UGDH: variants seen among roughly 807,000 people sequenced by gnomAD.
UGDH encodes UDP-Glc dehydrogenase.
UGDH carries 38 observed loss-of-function variants against 50.6 expected under a neutral mutation model. The ratio of observed to expected loss-of-function variants is 0.75; its 90% CI spans 0.58 to 0.98. UGDH has a LOEUF of 0.98. UGDH is among the 50% of genes least tolerant of loss of function. The probability of loss-of-function intolerance (pLI) is 0.00; values close to 1 mark genes in which losing one functional copy is unlikely to be tolerated. For synonymous variants in UGDH, 168 were observed against 199.9 expected, an observed-to-expected ratio of 0.84 and a Z score of 1.35; for missense variants, 465 against 606.2, an observed-to-expected ratio of 0.77 and a Z score of 2.45.
chr4:39,505,188 A>C, intron 9 of UGDH, 49 bp downstream of exon 9: 1 of 1,552,792 alleles, frequency 6.4e-7, no homozygotes, highest in Non-Finnish European at 8.6e-7. Flanking sequence ...AAAAGATAAA[A>C]AGTTTTCAGG....
chr4:39,510,750 C>A lies in UGDH; in HGVS notation c.376G>T (p.Val126Leu). The A allele has an allele frequency of 6.2e-7, 1 of 1,614,180 alleles. No individual in the cohort carries two copies. The highest frequency in any genetic ancestry group is 8.5e-7 in the Non-Finnish European group (1 of 1,180,012). ...IVQNSNGYKI[V>L]TEKSTVPVRA... ...ACTGGAACTGTGCTTTTCTCAGTCA[C>A]AATTTTGTACCCATTTGAGTTTTGC... The change falls in exon 4 of 12, where the codon GTG (valine) becomes TTG (leucine). Residue 126 changes from valine (V) to leucine (L), a missense_variant. Transcript: ENST00000316423.
At chr4:39,514,543 G>A (rs898035892) in intron 2 of UGDH, among the ~76,000 whole-genome samples, 5 of 151,682 alleles carry the variant, frequency 3.3e-5, no homozygotes, top group African/African-American at 9.7e-5. Flanking sequence ...ATCTTTTTTT[G>A]GCAGAGATGG....
At position 39,526,906 on chromosome 4, in the gene UGDH, A is replaced by G. The variant is rs184816094; in HGVS notation, c.-8+377T>C. 2.3e-5 allele frequency: 17 copies of G among 734,290 alleles called. No homozygotes were observed. In the African/African-American group the frequency reaches 3.0e-4, roughly 13 times the overall value. 45.5% of individuals were successfully genotyped at this position (734,290 alleles called of 1,614,324 possible). A position where few individuals can be genotyped will look rare whatever the true frequency, so the allele number is the denominator to read the frequency against. ...GTGAGCAGACTCTTAAACACAAACA[A>G]AAGACTACGACTCTGCGGCCAAAAT... is the stretch of plus-strand genomic sequence containing the variant. On this transcript the variant is annotated intron_variant, in intron 1 of 11. Transcript: ENST00000316423.
At chr4:39,519,209 G>C (rs893745347) in intron 2 of UGDH, among the ~76,000 whole-genome samples, 10 of 145,682 alleles carry the variant, frequency 6.9e-5, no homozygotes, top group Non-Finnish European at 1.5e-4. Flanking sequence ...GAGCCACTGT[G>C]CCTGGCCGTA....
intron 2 of UGDH, among the ~76,000 whole-genome samples, chr4:39,519,685 C>T (rs958904106): frequency 9.9e-5 from 15 of 152,036 alleles, no homozygotes; most frequent in Middle Eastern, 3.4e-3. Context: ...ATTATAGGTG[C>T]GCACCACTGC....
chr4:39,514,861 T>TTTA (rs1309534695), intron 2 of UGDH, among the ~76,000 whole-genome samples: 1 of 152,036 alleles, frequency 6.6e-6, no homozygotes, highest in East Asian at 1.9e-4. Context: ...TTTGTATTTT[T>TTTA]AGTAGAGATG....
chr4:39,517,091 TAGA>T (rs1396745183), intron 2 of UGDH, among the ~76,000 whole-genome samples: 4 of 152,138 alleles, frequency 2.6e-5, no homozygotes, highest in African/African-American at 7.2e-5. Context: ...GTACTTTTAT[TAGA>T]AGAACTCAAA....
At chr4:39,500,654 T>TCTC (rs753463213) in intron 11 of UGDH, among the ~76,000 whole-genome samples, 2,710 of 19,870 alleles carry the variant, frequency 0.14, 36 homozygotes, top group Non-Finnish European at 0.28. Context: ...CATAATTCTC[T>TCTC]TTTTTTTTTT....
At chr4:39,521,258 G>A in intron 2 of UGDH, 93 bp downstream of exon 2, 5 of 1,266,988 alleles carry the variant, frequency 3.9e-6, no homozygotes, top group Non-Finnish European at 5.3e-6. Context: ...ACCAGTTGCT[G>A]TTATAGATTT....
intron 2 of UGDH, among the ~76,000 whole-genome samples, chr4:39,516,097 A>G (rs1746432075): frequency 6.6e-6 from 1 of 152,192 alleles, no homozygotes; most frequent in Non-Finnish European, 1.5e-5. Context: ...CCTGGGCAAC[A>G]TGGCGAAACC....
chr4:39,527,204 G>T, intron 1 of UGDH, 79 bp downstream of exon 1: 1 of 1,099,952 alleles, frequency 9.1e-7, no homozygotes, highest in Non-Finnish European at 1.2e-6. Flanking sequence ...GCACACCCCA[G>T]CCCCGCTCCC....
intron 3 of UGDH, 92 bp from the exon 4 acceptor site, chr4:39,510,953 C>A (rs577704336): frequency 8.1e-7 from 1 of 1,235,774 alleles, no homozygotes; most frequent in East Asian, 2.3e-5. Context: ...GTGGAGTTAA[C>A]AATCATCAGT....
In UGDH at chr4:39,510,445, C is replaced by A. The variant is rs763685293; in HGVS notation, c.571G>T (p.Ala191Ser). Residue 191 changes from alanine (A) to serine (S), a missense_variant, in exon 5 of 12, where the codon GCT becomes TCT. Physicochemically the swap from Ala to Ser is moderately conservative, Grantham distance 99 (BLOSUM62 1). Coordinates refer to ENST00000316423, the MANE Select transcript of UGDH (RefSeq NM_003359.4). ...TATACAGCACACAGGGCCTGCACAG[C>A]TCTCTGGCCCTCTGGAGTTTCATCC... ...GGDETPEGQR[A>S]VQALCAVYEH... The A allele has an allele frequency of 1.4e-5, 23 of 1,614,086 alleles. No individual in the cohort carries two copies. In the East Asian group the frequency reaches 4.9e-4, roughly 34 times the overall value.
intron 3 of UGDH, among the ~76,000 whole-genome samples, chr4:39,513,836 T>C (rs998952110): frequency 2.0e-5 from 3 of 152,172 alleles, no homozygotes; most frequent in African/African-American, 7.2e-5. Flanking sequence ...CACCCGCCCA[T>C]TTCCTAGTTC....
intron 3 of UGDH, among the ~76,000 whole-genome samples, chr4:39,513,585 G>A (rs1036176704): frequency 1.4e-5 from 2 of 138,304 alleles, no homozygotes; most frequent in East Asian, 4.3e-4. Flanking sequence ...TCACCAGGCT[G>A]GAGTGCAGTG....
intron 1 of UGDH, 45 bp downstream of exon 1, chr4:39,527,238 A>G: frequency 1.3e-6 from 1 of 798,296 alleles, no homozygotes; most frequent in Non-Finnish European, 1.7e-6. Context: ...CAGACCTGGG[A>G]GCATCCCGCC....
At chr4:39,523,183 C>G (rs904474440) in intron 1 of UGDH, among the ~76,000 whole-genome samples, 2 of 152,092 alleles carry the variant, frequency 1.3e-5, no homozygotes, top group African/African-American at 4.8e-5. Context: ...CGCCAAGTAG[C>G]TGGGACTACA....
intron 6 of UGDH, among the ~76,000 whole-genome samples, 194 bp downstream of exon 6, chr4:39,509,566 C>A (rs1470870377): frequency 6.6e-6 from 1 of 152,198 alleles, no homozygotes; most frequent in South Asian, 2.1e-4. Flanking sequence ...AACATCTAGT[C>A]ACTCAGCTGC....
At chr4:39,513,979 G>C (rs1331119276) in intron 3 of UGDH, 104 bp downstream of exon 3, 3 of 941,510 alleles carry the variant, frequency 3.2e-6, no homozygotes, top group South Asian at 1.6e-5. Flanking sequence ...TCTATACTAA[G>C]CAATGTTGAG....
Sources: allele counts gnomAD v4.1 joint callset (sites outside exome capture counted in the v4.1 genomes callset), GRCh38; gene constraint gnomAD v4.1.1; transcripts MANE v1.5; gene names NCBI Gene and HGNC (gene_info 2026-07-23, HGNC 2026-07-21).